Variants in PTPRZ1 observed in about 807,000 individuals in gnomAD.
PTPRZ1 encodes the protein protein tyrosine phosphatase receptor type Z1, also known as receptor-type tyrosine-protein phosphatase zeta.
Under a neutral mutation model 214.1 loss-of-function variants are expected in PTPRZ1, and 82 were observed. The observed-to-expected ratio is 0.38, with a 90% CI of 0.32 to 0.46. The LOEUF (loss-of-function observed/expected upper bound fraction) is 0.46, where lower values mean the gene tolerates loss of function less well. Among genes scored for constraint, PTPRZ1 ranks in the 20% least tolerant of loss-of-function variants. The probability of loss-of-function intolerance (pLI) is 1.00; values close to 1 mark genes in which losing one functional copy is unlikely to be tolerated. For synonymous variants in PTPRZ1, 945 were observed against 987.9 expected, an observed-to-expected ratio of 0.96 and a Z score of 0.81; for missense variants, 2,603 against 2,748.7, an observed-to-expected ratio of 0.95 and a Z score of 1.19.
Position 121,952,588 on chromosome 7 carries a change from AAAAAG to A in PTPRZ1, c.125-15342_125-15338del, listed in dbSNP as rs148462260. On this transcript the variant is annotated intron_variant, in intron 2 of 29. Coordinates refer to ENST00000393386, the MANE Select transcript of PTPRZ1 (RefSeq NM_002851.3). Reference sequence around the variant, plus strand: ...GTGACAGAATGAGCACTGTCTCAAAAAAAAGAAAAGAAAAGAAAAGAAAAGTTTTG... The same window carrying A: ...GTGACAGAATGAGCACTGTCTCAAAAAAAAGAAAAGAAAAGAAAAGTTTTG... 1.4e-3 allele frequency among the ~76,000 whole-genome samples: 217 copies of A among 152,142 alleles called. 2 individuals are homozygous for A. The highest frequency in any genetic ancestry group is 3.4e-3 in the Middle Eastern group (1 of 294).
At chr7:122,048,036 A>T (rs1340484428) in intron 23 of PTPRZ1, among the ~76,000 whole-genome samples, 1 of 152,134 alleles carries the variant, frequency 6.6e-6, no homozygotes, top group African/African-American at 2.4e-5. Flanking sequence ...ATATCATATC[A>T]GTCATTTTCT....
chr7:122,058,223 AT>A (rs567674068), intron 27 of PTPRZ1, among the ~76,000 whole-genome samples: 1 of 151,922 alleles, frequency 6.6e-6, no homozygotes, highest in African/African-American at 2.4e-5. Context: ...AAAAGGTATC[AT>A]TTTTTTAAAA....
rs2150496251 is a variant in PTPRZ1, at chr7:122,058,831, A to G, written c.6560A>G (p.Gln2187Arg). The change falls in exon 28 of 30, where the codon CAG becomes CGG. Residue 2187 changes from glutamine to arginine, a missense_variant. Coordinates refer to ENST00000393386, the MANE Select transcript of PTPRZ1 (RefSeq NM_002851.3). ...TATGTACTTGAAGTGAGGCACTTTC[A>G]GTGTCCTAAATGGCCAAATCCAGAT... ...DDYVLEVRHF[Q>R]CPKWPNPDSP... 1.9e-6 allele frequency: 3 copies of G among 1,606,438 alleles called. No individual in the cohort carries two copies. The highest frequency in any genetic ancestry group is 1.1e-5 in the South Asian group (1 of 90,804).
At chr7:121,918,663 A>G (rs892736204) in intron 1 of PTPRZ1, among the ~76,000 whole-genome samples, 1 of 152,098 alleles carries the variant, frequency 6.6e-6, no homozygotes, top group African/African-American at 2.4e-5. Flanking sequence ...ACATTCTTTA[A>G]AGTGCATAGA....
chr7:121,972,446 A>G, intron 3 of PTPRZ1, 95 bp from the exon 4 acceptor site: 1 of 1,238,642 alleles, frequency 8.1e-7, no homozygotes, highest in East Asian at 2.6e-5. Flanking sequence ...CAAATAAATG[A>G]TTTTTCTTAA....
rs1795818853 is a variant in PTPRZ1 at position 121,928,162 on chromosome 7, C to CTA, written c.66_67dup (p.Asn23IlefsTer23). ...TGGTTTTTCTTTTTTATAGATTGGGCTAATGGATACTACAGACAACAGAGA... is the reference window on the plus strand; with the variant it reads ...TGGTTTTTCTTTTTTATAGATTGGGCTATAATGGATACTACAGACAACAGAGA... On this transcript the variant is annotated frameshift_variant, in exon 2 of 30. Coordinates refer to ENST00000393386, the MANE Select transcript of PTPRZ1 (RefSeq NM_002851.3). LOFTEE classifies it high-confidence loss of function. 6.2e-7 allele frequency: 1 copy of CTA among 1,610,696 alleles called. No individual in the cohort carries two copies. The highest frequency in any genetic ancestry group is 1.7e-5 in the Admixed American group (1 of 59,930).
intron 1 of PTPRZ1, among the ~76,000 whole-genome samples, chr7:121,881,615 A>C (rs1794240099): frequency 6.6e-6 from 1 of 152,210 alleles, no homozygotes; most frequent in Admixed American, 6.5e-5. Flanking sequence ...CACAAGACAA[A>C]GGTCCTGGAA....
chr7:121,883,253 A>G (rs1469244788), intron 1 of PTPRZ1, among the ~76,000 whole-genome samples: 4 of 152,188 alleles, frequency 2.6e-5, no homozygotes, highest in Non-Finnish European at 5.9e-5. Context: ...TATTTTTTTT[A>G]GAGATTAGAG....
intron 12 of PTPRZ1, among the ~76,000 whole-genome samples, chr7:122,017,663 G>A (rs1452300545): frequency 6.6e-6 from 1 of 151,876 alleles, no homozygotes; most frequent in Non-Finnish European, 1.5e-5. Context: ...CCGGGTTCAG[G>A]CCATTCTCCT....
At chr7:122,019,936 G>T (rs1336166441) in intron 13 of PTPRZ1, among the ~76,000 whole-genome samples, 2 of 152,094 alleles carry the variant, frequency 1.3e-5, no homozygotes, top group Non-Finnish European at 2.9e-5. Context: ...TATTTATGAG[G>T]AACATAGGTC....
intron 17 of PTPRZ1, among the ~76,000 whole-genome samples, chr7:122,035,361 C>T (rs1236477886): frequency 6.6e-6 from 1 of 152,118 alleles, no homozygotes; most frequent in Non-Finnish European, 1.5e-5. Flanking sequence ...TGCGTCTATC[C>T]TGGCTACACA....
chr7:122,049,148 A>C (rs1371005225), intron 23 of PTPRZ1, among the ~76,000 whole-genome samples: 1 of 152,078 alleles, frequency 6.6e-6, no homozygotes, highest in Non-Finnish European at 1.5e-5. Context: ...TTGTTCATTT[A>C]AAAAAAGAAC....
intron 2 of PTPRZ1, among the ~76,000 whole-genome samples, chr7:121,961,604 C>A: frequency 6.6e-6 from 1 of 152,194 alleles, no homozygotes; most frequent in East Asian, 1.9e-4. Flanking sequence ...TCATGCGTAT[C>A]CCCTGCGGAG....
At chr7:121,926,302 CAA>C (rs34447356) in intron 1 of PTPRZ1, among the ~76,000 whole-genome samples, 6 of 130,530 alleles carry the variant, frequency 4.6e-5, no homozygotes, top group Non-Finnish European at 4.8e-5. Flanking sequence ...AAGATTCTGT[CAA>C]AAAAAAAAAA....
At chr7:122,050,462 G>GGGGAGGGGA (rs1792143067) in intron 23 of PTPRZ1, among the ~76,000 whole-genome samples, 1 of 135,868 alleles carries the variant, frequency 7.4e-6, no homozygotes, top group African/African-American at 2.7e-5. Flanking sequence ...GGGAAAAGGA[G>GGGGAGGGGA]AGGAGGGGAG....
chr7:121,991,412 TAAA>T, intron 8 of PTPRZ1, among the ~76,000 whole-genome samples: 1 of 152,212 alleles, frequency 6.6e-6, no homozygotes, highest in East Asian at 1.9e-4. Context: ...AATACAAACT[TAAA>T]AAAACAAAAA....
intron 2 of PTPRZ1, among the ~76,000 whole-genome samples, chr7:121,963,077 C>T (rs763171607): frequency 3.0e-4 from 46 of 151,882 alleles, no homozygotes; most frequent in Non-Finnish European, 5.6e-4. Flanking sequence ...GCTTTTTAAT[C>T]ATGAAAATTA....
chr7:122,031,017 T>C (rs1320636997), intron 14 of PTPRZ1, among the ~76,000 whole-genome samples: 1 of 152,032 alleles, frequency 6.6e-6, no homozygotes, highest in Non-Finnish European at 1.5e-5. Context: ...TCTATTTGAC[T>C]GTAAGACATT....
intron 11 of PTPRZ1, 70 bp from the exon 12 acceptor site, chr7:122,010,264 T>C: frequency 7.1e-7 from 1 of 1,412,496 alleles, no homozygotes; most frequent in Non-Finnish European, 9.6e-7. Context: ...TGATTGGCAG[T>C]GTAAGATATG....
Sources: gnomAD v4.1 joint callset for allele counts (sites outside exome capture counted in the v4.1 genomes callset) on GRCh38, gnomAD v4.1.1 for gene constraint, MANE v1.5 for transcripts, NCBI Gene and HGNC (gene_info 2026-07-23, HGNC 2026-07-21) for gene names.